Variants in CDH18 observed in about 807,000 individuals in gnomAD.
CDH18 encodes cadherin 18, also known as cadherin-18.
Under a neutral mutation model 67.9 loss-of-function variants are expected in CDH18, and 31 were observed. The observed-to-expected ratio is 0.46, with a 90% CI of 0.34 to 0.62. The LOEUF is 0.62. Ranked by LOEUF, CDH18 falls within the 20% of genes least tolerant of loss-of-function variation. The probability of loss-of-function intolerance (pLI) is 0.01; values close to 1 mark genes in which losing one functional copy is unlikely to be tolerated. For missense variants in CDH18, 890 were observed against 975.5 expected, an observed-to-expected ratio of 0.91 and a Z score of 1.17; for synonymous variants, 362 against 347.2, an observed-to-expected ratio of 1.04 and a Z score of -0.48.
intron 1 of CDH18, among the ~76,000 whole-genome samples, chr5:20,549,647 T>C (rs917108054): frequency 2.0e-5 from 3 of 152,156 alleles, no homozygotes; most frequent in African/African-American, 7.2e-5. Flanking sequence ...CTTTGAAGTA[T>C]TATTTCACTA....
chr5:20,089,794 G>A (rs562926232), intron 2 of CDH18, among the ~76,000 whole-genome samples: 1 of 152,182 alleles, frequency 6.6e-6, no homozygotes, highest in Admixed American at 6.5e-5. Flanking sequence ...ATAAAACTTT[G>A]CTGCTTCTGA....
intron 2 of CDH18, among the ~76,000 whole-genome samples, chr5:19,980,664 T>C (rs1289308115): frequency 6.6e-6 from 1 of 152,148 alleles, no homozygotes; most frequent in Non-Finnish European, 1.5e-5. Flanking sequence ...TTCCAGGCCG[T>C]TATGTTTTTA....
intron 2 of CDH18, among the ~76,000 whole-genome samples, chr5:19,899,037 C>T (rs1246298456): frequency 2.0e-5 from 3 of 152,112 alleles, no homozygotes; most frequent in Non-Finnish European, 2.9e-5. Flanking sequence ...ACATATGTGG[C>T]TGAAAGGTAT....
intron 3 of CDH18, among the ~76,000 whole-genome samples, chr5:19,759,225 C>A (rs571334081): frequency 2.9e-4 from 44 of 152,200 alleles, no homozygotes; most frequent in Non-Finnish European, 1.8e-4. Flanking sequence ...CTCCAAGATC[C>A]ACCTGTTTTC....
At chr5:19,958,603 A>G in intron 2 of CDH18, among the ~76,000 whole-genome samples, 1 of 151,936 alleles carries the variant, frequency 6.6e-6, no homozygotes, top group African/African-American at 2.4e-5. Flanking sequence ...TATAAAAGAA[A>G]ACATGTAAAA....
At chr5:19,838,430 G>T (rs971640229) in intron 3 of CDH18, among the ~76,000 whole-genome samples, 2 of 151,974 alleles carry the variant, frequency 1.3e-5, no homozygotes, top group African/African-American at 2.4e-5. Context: ...ATACCTTCAA[G>T]GTAATAAAGA....
intron 2 of CDH18, among the ~76,000 whole-genome samples, chr5:19,940,230 T>C (rs1794678975): frequency 6.6e-6 from 1 of 151,188 alleles, no homozygotes; most frequent in Admixed American, 6.6e-5. Flanking sequence ...ATAAAGTAAA[T>C]ATTTATAGTA....
At chr5:19,927,841 A>C (rs1156673818) in intron 2 of CDH18, among the ~76,000 whole-genome samples, 1 of 152,162 alleles carries the variant, frequency 6.6e-6, no homozygotes, top group African/African-American at 2.4e-5. Flanking sequence ...GCTTGCAAGT[A>C]AATTGTACTC....
intron 2 of CDH18, among the ~76,000 whole-genome samples, chr5:19,861,499 C>T (rs567262353): frequency 6.6e-6 from 1 of 152,146 alleles, no homozygotes; most frequent in South Asian, 2.1e-4. Context: ...GGATCTGAAG[C>T]AGGGAGATGA....
chr5:19,505,530 A>G (rs1315048633), intron 10 of CDH18, among the ~76,000 whole-genome samples: 6 of 151,994 alleles, frequency 3.9e-5, no homozygotes, highest in African/African-American at 1.2e-4. Flanking sequence ...AGCATGAAGC[A>G]TTGTTGAATT....
At chr5:20,361,833 A>G (rs1343708647) in intron 1 of CDH18, among the ~76,000 whole-genome samples, 1 of 152,166 alleles carries the variant, frequency 6.6e-6, no homozygotes, top group Non-Finnish European at 1.5e-5. Flanking sequence ...TTTTCAAACT[A>G]TTTTAAATAA....
chr5:19,775,076 G>A (rs924695466), intron 3 of CDH18, among the ~76,000 whole-genome samples: 2 of 152,216 alleles, frequency 1.3e-5, no homozygotes, highest in East Asian at 3.9e-4. Flanking sequence ...CAAAGCTGAA[G>A]AAGCTGGAAG....
At chr5:19,603,375 C>T (rs971678779) in intron 6 of CDH18, among the ~76,000 whole-genome samples, 1 of 151,888 alleles carries the variant, frequency 6.6e-6, no homozygotes, top group Non-Finnish European at 1.5e-5. Context: ...GGAAAGTACC[C>T]ATTAAACAAT....
Position 20,426,487 on chromosome 5 carries a change from T to G in CDH18, c.-580+148975A>C, listed in dbSNP as rs75350109. Reference sequence around the variant, plus strand: ...TAATATTATTTTTCTCAACAAAAACTTTTTAAAAGAAACAAAAAAAACTTT... The same window carrying G: ...TAATATTATTTTTCTCAACAAAAACGTTTTAAAAGAAACAAAAAAAACTTT... On this transcript the variant is annotated intron_variant, in intron 1 of 14. Transcript: ENST00000507958. Among the ~76,000 whole-genome samples, 66 of 151,296 alleles carry G rather than the reference T, an allele frequency of 4.4e-4. No homozygotes were observed. The East Asian group carries it at 0.012, about 27-fold the overall frequency.
At chr5:20,461,857 G>T (rs900984258) in intron 1 of CDH18, among the ~76,000 whole-genome samples, 1 of 152,036 alleles carries the variant, frequency 6.6e-6, no homozygotes, top group Non-Finnish European at 1.5e-5. Context: ...TAGCTTTTAG[G>T]GTATTGCCCA....
chr5:19,786,950 C>T (rs894564341), intron 3 of CDH18, among the ~76,000 whole-genome samples: 2 of 152,072 alleles, frequency 1.3e-5, no homozygotes, highest in Non-Finnish European at 2.9e-5. Flanking sequence ...AGACCCTTCG[C>T]TGAAAACTAA....
chr5:20,453,684 TGTTAA>T lies in CDH18; in HGVS notation c.-580+121773_-580+121777del, dbSNP rs372828550. Among the ~76,000 whole-genome samples the T allele has an allele frequency of 7.2e-3, 1,095 of 152,050 alleles. 8 individuals are homozygous for T. The highest frequency in any genetic ancestry group is 0.025 in the African/African-American group (1,031 of 41,502). On this transcript the variant is annotated intron_variant, in intron 1 of 14. Coordinates refer to the CDH18 transcript ENST00000507958. The stretch of plus-strand genomic sequence containing the variant: ...TCTTTCACTGTGAGGAAGAAAGAAA[TGTTAA>T]GTTGTGTGGTTAGCAGCTCTGATCC...
At chr5:19,715,382 A>G (rs987377398) in intron 5 of CDH18, among the ~76,000 whole-genome samples, 1 of 152,150 alleles carries the variant, frequency 6.6e-6, no homozygotes, top group Non-Finnish European at 1.5e-5. Context: ...ATATGTTGAG[A>G]AAAGGTCATC....
intron 2 of CDH18, among the ~76,000 whole-genome samples, chr5:20,211,524 G>T (rs1056616793): frequency 3.3e-5 from 5 of 152,074 alleles, no homozygotes; most frequent in African/African-American, 1.2e-4. Flanking sequence ...ATTCAGCCGG[G>T]TGCCCCTCTA....
Sources: allele counts gnomAD v4.1 joint callset (sites outside exome capture counted in the v4.1 genomes callset), GRCh38; gene constraint gnomAD v4.1.1; transcripts MANE v1.5; gene names NCBI Gene and HGNC (gene_info 2026-07-23, HGNC 2026-07-21).